The following PID1 variants were observed in gnomAD, a reference collection of about 807,000 sequenced individuals.
PID1 encodes the protein PTB-containing, cubilin and LRP1-interacting protein.
A neutral mutation model predicts 19.1 loss-of-function variants in PID1; 10 were observed. That is an observed-to-expected ratio of 0.52 (90% CI 0.32 to 0.89). The LOEUF is 0.89. Ranked by LOEUF, PID1 falls within the 40% of genes least tolerant of loss-of-function variation. PID1 has a pLI of 0.03. For synonymous variants in PID1, 130 were observed against 116.0 expected, an observed-to-expected ratio of 1.12 and a Z score of -0.78; for missense variants, 248 against 285.3, an observed-to-expected ratio of 0.87 and a Z score of 0.94.
intron 2 of PID1, among the ~76,000 whole-genome samples, chr2:229,058,727 G>GAAAAAAAAAAA (rs5839294): frequency 7.4e-6 from 1 of 134,760 alleles, no homozygotes; most frequent in African/African-American, 2.8e-5. Flanking sequence ...GTAATAATTT[G>GAAAAAAAAAAA]AAAAAAAAAA....
At chr2:229,119,465 A>C (rs1034541810) in intron 2 of PID1, among the ~76,000 whole-genome samples, 1 of 152,198 alleles carries the variant, frequency 6.6e-6, no homozygotes, top group Non-Finnish European at 1.5e-5. Flanking sequence ...AAAATAATTC[A>C]AATGCTTTAC....
intron 2 of PID1, among the ~76,000 whole-genome samples, chr2:229,033,184 T>G (rs2106167118): frequency 6.6e-6 from 1 of 151,806 alleles, no homozygotes; most frequent in Non-Finnish European, 1.5e-5. Flanking sequence ...GACTGGAGAG[T>G]GGGATCAAAA....
intron 2 of PID1, among the ~76,000 whole-genome samples, chr2:229,069,912 AC>A (rs2106201107): frequency 6.6e-6 from 1 of 152,338 alleles, no homozygotes; most frequent in South Asian, 2.1e-4. Flanking sequence ...GCACAAATCA[AC>A]AGTTTGACAA....
intron 2 of PID1, among the ~76,000 whole-genome samples, chr2:229,070,417 G>A (rs928999391): frequency 6.6e-6 from 1 of 152,098 alleles, no homozygotes; most frequent in African/African-American, 2.4e-5. Flanking sequence ...CCATGTAAAG[G>A]GCTCAATATG....
chr2:229,076,982 C>A (rs1283294800), intron 2 of PID1, among the ~76,000 whole-genome samples: 1 of 152,222 alleles, frequency 6.6e-6, no homozygotes, highest in Admixed American at 6.5e-5. Flanking sequence ...CTGTCTTCCA[C>A]AATGGTTGAA....
intron 2 of PID1, among the ~76,000 whole-genome samples, chr2:229,133,165 G>C (rs1689779957): frequency 6.6e-6 from 1 of 152,210 alleles, no homozygotes; most frequent in African/African-American, 2.4e-5. Flanking sequence ...TCAGGAGCTG[G>C]ATGGTATGCA....
intron 1 of PID1, among the ~76,000 whole-genome samples, chr2:229,170,523 G>A (rs918595324): frequency 1.3e-5 from 2 of 152,054 alleles, no homozygotes; most frequent in Non-Finnish European, 2.9e-5. Flanking sequence ...TTAAAAATGT[G>A]TAAAAACATA....
chr2:229,252,395 T>C (rs1425714499), intron 1 of PID1, among the ~76,000 whole-genome samples: 2 of 152,150 alleles, frequency 1.3e-5, no homozygotes, highest in African/African-American at 4.8e-5. Flanking sequence ...TCCAAAAGAC[T>C]CCCTCTAAGT....
At chr2:229,129,058 C>T (rs183717428) in intron 2 of PID1, among the ~76,000 whole-genome samples, 5 of 152,098 alleles carry the variant, frequency 3.3e-5, no homozygotes, top group East Asian at 3.9e-4. Flanking sequence ...AAATAAATAA[C>T]GAGATAAATA....
intron 2 of PID1, among the ~76,000 whole-genome samples, chr2:229,078,999 T>C (rs914456891): frequency 3.9e-5 from 6 of 152,244 alleles, no homozygotes; most frequent in African/African-American, 9.6e-5. Context: ...AAACAAGTGA[T>C]GCTATGTTTC....
intron 1 of PID1, among the ~76,000 whole-genome samples, chr2:229,165,115 G>C (rs2106204529): frequency 6.6e-6 from 1 of 152,246 alleles, no homozygotes; most frequent in African/African-American, 2.4e-5. Context: ...GCCACTAGTG[G>C]GGAAATTAGC....
At position 229,184,820 on chromosome 2, in the gene PID1, ATATATATATCCCGTATATATATATCCCG is replaced by A. The variant is rs1274179936; in HGVS notation, c.31-28884_31-28857del. 3.2e-3 allele frequency among the ~76,000 whole-genome samples: 18 copies of A among 5,546 alleles called. 8 individuals are homozygous for A. The highest frequency in any genetic ancestry group is 0.029 in the East Asian group (6 of 208). The allele number at this position is 5,546 out of a possible 152,430, so 3.6% of individuals were successfully genotyped here. A position where few individuals can be genotyped will look rare whatever the true frequency, so the allele number is the denominator to read the frequency against. ...TATATCCCGTATATATATATCCCGT[ATATATATATCCCGTATATATATATCCCG>A]TATATATATCCCGTATATATCCCAT... is the stretch of plus-strand genomic sequence containing the variant. On this transcript the variant is annotated intron_variant, in intron 1 of 2. Transcript: ENST00000392055.
intron 2 of PID1, among the ~76,000 whole-genome samples, chr2:229,154,939 T>C (rs1325015750): frequency 1.3e-5 from 2 of 152,214 alleles, no homozygotes; most frequent in Non-Finnish European, 1.5e-5. Flanking sequence ...ACCAAAATTA[T>C]ACATTTCATT....
chr2:229,093,448 A>G (rs1380529283), intron 2 of PID1, among the ~76,000 whole-genome samples: 4 of 151,464 alleles, frequency 2.6e-5, no homozygotes, highest in African/African-American at 4.8e-5. Flanking sequence ...TTCCTCTCCA[A>G]TCCTCCTTGT....
chr2:229,179,256 A>G (rs968606512), intron 1 of PID1, among the ~76,000 whole-genome samples: 3 of 152,158 alleles, frequency 2.0e-5, no homozygotes, highest in Admixed American at 6.5e-5. Flanking sequence ...CCTCGCAGAC[A>G]GAGCCTGCAG....
intron 1 of PID1, among the ~76,000 whole-genome samples, chr2:229,206,981 T>C (rs1691623346): frequency 6.6e-6 from 1 of 152,168 alleles, no homozygotes; most frequent in Non-Finnish European, 1.5e-5. Flanking sequence ...AATTCTGCTC[T>C]CCTGGGACTA....
chr2:229,102,553 G>A (rs1290907808), intron 2 of PID1, among the ~76,000 whole-genome samples: 2 of 152,218 alleles, frequency 1.3e-5, no homozygotes, highest in African/African-American at 2.4e-5. Context: ...CCTTAGGGAA[G>A]AGAAATGGAA....
At chr2:229,039,168 T>C (rs1253611679) in intron 2 of PID1, among the ~76,000 whole-genome samples, 1 of 152,220 alleles carries the variant, frequency 6.6e-6, no homozygotes, top group African/African-American at 2.4e-5. Flanking sequence ...GTTTTGCTTG[T>C]GCTTTCTAAT....
rs147263186 is a variant in PID1, at chr2:229,164,494, TCTC to T, written c.31-8533_31-8531del. Among the ~76,000 whole-genome samples the T allele has an allele frequency of 9.4e-3, 1,439 of 152,310 alleles. 26 individuals carry two copies. Among genetic ancestry groups the T allele is most frequent in the African/African-American group, 0.033 (1,383 of 41,566 alleles). ...GAACAAGTACTTAGAAATCTGCTCT[TCTC>T]TGAGTTATTCCCACATGCCCCTTGT... On this transcript the variant is annotated intron_variant, in intron 1 of 2. Coordinates refer to ENST00000392055, the MANE Select transcript of PID1 (RefSeq NM_001100818.2).
Sources: gnomAD v4.1 joint callset for allele counts (sites outside exome capture counted in the v4.1 genomes callset) on GRCh38, gnomAD v4.1.1 for gene constraint, MANE v1.5 for transcripts, NCBI Gene and HGNC (gene_info 2026-07-23, HGNC 2026-07-21) for gene names.